Variants in NUMB observed in about 807,000 individuals in gnomAD.
The protein encoded by NUMB is protein numb homolog.
In NUMB, 29 loss-of-function variants were observed where a neutral mutation model predicts 59.7. The observed-to-expected ratio is 0.49, with a 90% CI of 0.36 to 0.66. The LOEUF is 0.66. Among genes scored for constraint, NUMB ranks in the 30% least tolerant of loss-of-function variants. The pLI is 0.00. For synonymous variants in NUMB, 288 were observed against 288.2 expected (o/e 1.00, Z 0.01); for missense variants, 723 against 822.0 (o/e 0.88, Z 1.47).
chr14:73,427,173 A>G (rs184242673), intron 1 of NUMB, among the ~76,000 whole-genome samples: 124 of 152,292 alleles, frequency 8.1e-4, no homozygotes, highest in African/African-American at 2.7e-3. Flanking sequence ...CATGACCCAG[A>G]CACAGCTTCA....
chr14:73,405,352 CTAG>C (rs1896605939), intron 2 of NUMB, among the ~76,000 whole-genome samples: 1 of 152,020 alleles, frequency 6.6e-6, no homozygotes, highest in Non-Finnish European at 1.5e-5. Flanking sequence ...ACAGAACCCT[CTAG>C]CTCTGGCTCA....
chr14:73,309,569 C>G (rs1460974841), intron 6 of NUMB, among the ~76,000 whole-genome samples: 1 of 151,888 alleles, frequency 6.6e-6, no homozygotes. Flanking sequence ...TGGGGCCTGT[C>G]AGAGAGTTGG....
chr14:73,337,495 C>T (rs1555372448), intron 4 of NUMB, among the ~76,000 whole-genome samples: 6 of 152,058 alleles, frequency 3.9e-5, no homozygotes, highest in Non-Finnish European at 7.4e-5. Context: ...GAGCACAACT[C>T]TTGTCTCAAA....
chr14:73,334,060 T>A (rs183653096), intron 4 of NUMB, among the ~76,000 whole-genome samples: 1 of 151,262 alleles, frequency 6.6e-6, no homozygotes, highest in African/African-American at 2.4e-5. Context: ...GTGTGTGTGT[T>A]TTTTTTTCGA....
chr14:73,395,782 C>T (rs1896101084), intron 2 of NUMB, among the ~76,000 whole-genome samples: 2 of 152,144 alleles, frequency 1.3e-5, no homozygotes, highest in Non-Finnish European at 2.9e-5. Context: ...AGGTGTTCTA[C>T]AGGCAATGCA....
intron 4 of NUMB, among the ~76,000 whole-genome samples, chr14:73,352,542 T>TTG (rs1893455468): frequency 1.1e-5 from 1 of 89,272 alleles, no homozygotes; most frequent in African/African-American, 3.9e-5. Context: ...TTTTTTTTTT[T>TTG]TTTTTTTTTT....
chr14:73,352,500 A>ATGTTTTTT (rs1893413089), intron 4 of NUMB, among the ~76,000 whole-genome samples: 1 of 11,154 alleles, frequency 9.0e-5, no homozygotes, highest in Non-Finnish European at 1.4e-4. Flanking sequence ...ATATATATAT[A>ATGTTTTTT]TATATATATA....
intron 12 of NUMB, among the ~76,000 whole-genome samples, chr14:73,278,184 A>G (rs951150921): frequency 6.6e-6 from 1 of 152,148 alleles, no homozygotes; most frequent in African/African-American, 2.4e-5. Flanking sequence ...CCTGGCTTCC[A>G]GAAATATGTT....
At chr14:73,346,901 G>A (rs567480578) in intron 4 of NUMB, among the ~76,000 whole-genome samples, 34 of 152,134 alleles carry the variant, frequency 2.2e-4, no homozygotes, top group Admixed American at 6.5e-4. Flanking sequence ...AAACTAATCC[G>A]TTCTCTACAT....
chr14:73,299,468 G>T (rs546302545), intron 6 of NUMB: 3 of 151,670 alleles, frequency 2.0e-5, no homozygotes, highest in African/African-American at 7.2e-5. Context: ...TGCTTTACAG[G>T]TATCAGACTT....
At position 73,316,422 on chromosome 14, in the gene NUMB, C is replaced by A. The variant is rs1466966611; in HGVS notation, c.202G>T (p.Glu68Ter). Residue 68 changes from glutamate to a stop codon, truncating the protein, a stop_gained and splice_region_variant, in exon 6 of 13, where the codon GAA (glutamate) becomes TAA (stop). Transcript: ENST00000555238. LOFTEE classifies it high-confidence loss of function. ...CEDAVKRLKAERKFFKGFFGK... is the reference protein window; with the variant it reads ...CEDAVKRLKA ...AAGAAGCCTTTGAAGAACTTCCTTT[C>A]CTGGAGGAACAGGGGGACAAGTCGA... 3 of 1,613,626 alleles carry A rather than the reference C, an allele frequency of 1.9e-6. No homozygotes were observed. Among genetic ancestry groups the A allele is most frequent in the South Asian group, 2.2e-5 (2 of 91,012 alleles).
intron 6 of NUMB, among the ~76,000 whole-genome samples, chr14:73,300,179 C>T (rs78661791): frequency 1.9e-3 from 287 of 152,130 alleles, no homozygotes; most frequent in Admixed American, 3.5e-3. Flanking sequence ...ACAATGGAAA[C>T]GGAAGGCCCA....
At chr14:73,324,148 C>G (rs1891546277) in intron 4 of NUMB, among the ~76,000 whole-genome samples, 1 of 152,162 alleles carries the variant, frequency 6.6e-6, no homozygotes, top group Non-Finnish European at 1.5e-5. Flanking sequence ...CGGTCAACAC[C>G]CCAGACTCTG....
chr14:73,438,888 G>T (rs1422173033), intron 1 of NUMB, among the ~76,000 whole-genome samples: 1 of 152,016 alleles, frequency 6.6e-6, no homozygotes, highest in Admixed American at 6.6e-5. Flanking sequence ...TCACTAAGTA[G>T]GTCTAGTGGA....
At chr14:73,365,541 T>C (rs566799861) in intron 3 of NUMB, among the ~76,000 whole-genome samples, 1 of 152,008 alleles carries the variant, frequency 6.6e-6, no homozygotes, top group Non-Finnish European at 1.5e-5. Context: ...GAGGCTGAGG[T>C]GGAAGGACTG....
intron 2 of NUMB, among the ~76,000 whole-genome samples, chr14:73,396,510 G>C (rs951539590): frequency 7.3e-5 from 10 of 136,536 alleles, no homozygotes; most frequent in African/African-American, 3.0e-4. Flanking sequence ...ACAAGGCCTG[G>C]CTAGTTTTTT....
At chr14:73,374,032 C>T (rs1894829631) in intron 2 of NUMB, among the ~76,000 whole-genome samples, 1 of 152,038 alleles carries the variant, frequency 6.6e-6, no homozygotes, top group Non-Finnish European at 1.5e-5. Context: ...CCACGCCAGG[C>T]TAATTTTTGT....
At chr14:73,413,840 A>G (rs1897006621) in intron 1 of NUMB, among the ~76,000 whole-genome samples, 1 of 152,144 alleles carries the variant, frequency 6.6e-6, no homozygotes, top group Admixed American at 6.6e-5. Context: ...TATGTATGCT[A>G]AACACAGTGA....
At chr14:73,371,090 CT>C (rs1234156868) in intron 2 of NUMB, among the ~76,000 whole-genome samples, 1 of 152,148 alleles carries the variant, frequency 6.6e-6, no homozygotes, top group Admixed American at 6.5e-5. Context: ...TCAGGTCCAT[CT>C]CATACATTTT....
Sources: gnomAD v4.1 joint callset for allele counts (sites outside exome capture counted in the v4.1 genomes callset) on GRCh38, gnomAD v4.1.1 for gene constraint, MANE v1.5 for transcripts, NCBI Gene and HGNC (gene_info 2026-07-23, HGNC 2026-07-21) for gene names.